MARCHF10: variants seen among roughly 807,000 people sequenced by gnomAD.
MARCHF10 encodes membrane associated ring-CH-type finger 10.
In MARCHF10, 64 loss-of-function variants were observed where a neutral mutation model predicts 76.2. The ratio of observed to expected loss-of-function variants is 0.84; its 90% CI spans 0.69 to 1.03. MARCHF10 has a LOEUF of 1.03. Among genes scored for constraint, MARCHF10 ranks in the 50% least tolerant of loss-of-function variants. The probability of loss-of-function intolerance (pLI) is 0.00; values close to 1 mark genes in which losing one functional copy is unlikely to be tolerated. For synonymous variants in MARCHF10, 340 were observed against 357.5 expected, an observed-to-expected ratio of 0.95 and a Z score of 0.55; for missense variants, 875 against 958.0, an observed-to-expected ratio of 0.91 and a Z score of 1.14.
chr17:62,803,531 T>G (rs996973213), intron 1 of MARCHF10, among the ~76,000 whole-genome samples: 7 of 152,168 alleles, frequency 4.6e-5, no homozygotes, highest in African/African-American at 1.2e-4. Flanking sequence ...CTTTTTTATT[T>G]TTTTTTGAGA....
chr17:62,805,899 C>A (rs2093155434), intron 1 of MARCHF10, among the ~76,000 whole-genome samples: 2 of 88,232 alleles, frequency 2.3e-5, no homozygotes, highest in Admixed American at 1.1e-4. Flanking sequence ...GACTCCATCC[C>A]CTCAAAAATA....
chr17:62,709,921 G>A (rs2089824168), intron 9 of MARCHF10, among the ~76,000 whole-genome samples: 1 of 152,014 alleles, frequency 6.6e-6, no homozygotes, highest in African/African-American at 2.4e-5. Context: ...GTCTAAGTGG[G>A]TGAGATCAAT....
intron 3 of MARCHF10, among the ~76,000 whole-genome samples, chr17:62,787,553 G>T (rs2092766928): frequency 6.6e-6 from 1 of 152,116 alleles, no homozygotes; most frequent in Non-Finnish European, 1.5e-5. Flanking sequence ...CTCTTACATA[G>T]GGTAAGTTAA....
chr17:62,787,463 A>G (rs1299861795), intron 3 of MARCHF10, among the ~76,000 whole-genome samples: 1 of 152,176 alleles, frequency 6.6e-6, no homozygotes, highest in Non-Finnish European at 1.5e-5. Flanking sequence ...TTAAATAGGA[A>G]TTCATAAAAG....
At chr17:62,705,733 G>A in intron 9 of MARCHF10, 152 bp from the exon 10 acceptor site, 1 of 929,074 alleles carries the variant, frequency 1.1e-6, no homozygotes, top group Non-Finnish European at 1.6e-6. Context: ...GGCTGGGTGA[G>A]TGCTAAGCAT....
chr17:62,801,678 C>T lies in MARCHF10; in HGVS notation c.58G>A (p.Asp20Asn), dbSNP rs1279487597. The T allele has an allele frequency of 6.2e-7, 1 of 1,614,056 alleles. No homozygotes were observed. The highest frequency in any genetic ancestry group is 8.5e-7 in the Non-Finnish European group (1 of 1,180,032). The change falls in exon 2 of 11, where the codon GAC (aspartate) becomes AAC (asparagine). Residue 20 changes from aspartate (D) to asparagine (N), a missense_variant. Coordinates refer to ENST00000311269, the MANE Select transcript of MARCHF10 (RefSeq NM_152598.4). ...KFFSDVQYLR[D>N]MQHKVDSEYQ... ...TCAGAGTCCACCTTATGCTGCATGTCCCGCAGATACTGAACATCGCTGAAG... is the reference window on the plus strand; with the variant it reads ...TCAGAGTCCACCTTATGCTGCATGTTCCGCAGATACTGAACATCGCTGAAG...
At chr17:62,793,561 A>C (rs975201750) in intron 2 of MARCHF10, among the ~76,000 whole-genome samples, 3 of 85,284 alleles carry the variant, frequency 3.5e-5, no homozygotes, top group South Asian at 4.3e-4. Flanking sequence ...TGCCACCACC[A>C]CCTCCACCAC....
intron 5 of MARCHF10, among the ~76,000 whole-genome samples, chr17:62,739,594 T>G (rs940753974): frequency 2.6e-5 from 4 of 152,230 alleles, no homozygotes; most frequent in African/African-American, 9.6e-5. Flanking sequence ...TTGGTCAGGC[T>G]GGTCTCCAAC....
chr17:62,709,707 A>G (rs2089807305), intron 9 of MARCHF10, among the ~76,000 whole-genome samples: 1 of 152,152 alleles, frequency 6.6e-6, no homozygotes, highest in Non-Finnish European at 1.5e-5. Context: ...AGAAGTGTGA[A>G]TTTAACAAGA....
chr17:62,751,382 C>A lies in MARCHF10; in HGVS notation c.383-6854G>T, dbSNP rs56257126. Among the ~76,000 whole-genome samples, 1,202 of 152,270 alleles carry A rather than the reference C, an allele frequency of 7.9e-3. 9 individuals are homozygous for A. The highest frequency in any genetic ancestry group is 0.012 in the Non-Finnish European group (810 of 68,012). Reference sequence around the variant, plus strand: ...GCCACATCGATGTCACCTGGGACTTCTTAGCAATGCAGGATCTCAGCCCAC... The same window carrying A: ...GCCACATCGATGTCACCTGGGACTTATTAGCAATGCAGGATCTCAGCCCAC... On this transcript the variant is annotated intron_variant, in intron 4 of 10. Coordinates refer to ENST00000311269, the MANE Select transcript of MARCHF10 (RefSeq NM_152598.4).
rs67106553 is a variant in MARCHF10, at chr17:62,767,450, C to CCTTTTTTTTTT, written c.211-7445_211-7444insAAAAAAAAAAG. Reference sequence around the variant, plus strand: ...AGCTTTGAATTGGTGGGTCTGTATTCTTTTTTTTTTTTTTTTTTGAGATGG... The same window carrying CCTTTTTTTTTT: ...AGCTTTGAATTGGTGGGTCTGTATTCCTTTTTTTTTTTTTTTTTTTTTTTTTTTTGAGATGG... On this transcript the variant is annotated intron_variant, in intron 3 of 10. Transcript: ENST00000311269. Among the ~76,000 whole-genome samples the CCTTTTTTTTTT allele has an allele frequency of 1.8e-4, 24 of 134,790 alleles. 9 individuals are homozygous for CCTTTTTTTTTT. Among genetic ancestry groups the CCTTTTTTTTTT allele is most frequent in the African/African-American group, 1.1e-4 (4 of 36,684 alleles). 88.4% of individuals were successfully genotyped at this position (134,790 alleles called of 152,430 possible).
intron 8 of MARCHF10, chr17:62,714,489 T>C (rs2090092105): frequency 1.2e-6 from 1 of 863,194 alleles, no homozygotes; most frequent in African/African-American, 1.8e-5. Context: ...GGCGTTAAGA[T>C]CTGTGAGGGC....
At position 62,744,614 on chromosome 17, in the gene MARCHF10, G is replaced by A. The variant is rs1599190777; in HGVS notation, c.383-86C>T. On this transcript the variant is annotated intron_variant, in intron 4 of 10. Transcript: ENST00000311269. ...AAGAACGTTCAAAGGGCCCAGCAAT[G>A]TTTGGGGGTGGGGTTAGGTGGAAGG... is the stretch of plus-strand genomic sequence containing the variant. 7 of 1,472,346 alleles carry A rather than the reference G, an allele frequency of 4.8e-6. No homozygotes were observed. The East Asian group carries it at 1.2e-4, about 25-fold the overall frequency. The allele number at this position is 1,472,346 out of a possible 1,614,324, so 91.2% of individuals were successfully genotyped here.
At chr17:62,702,929 C>T (rs907440428) in intron 10 of MARCHF10, among the ~76,000 whole-genome samples, 1 of 152,322 alleles carries the variant, frequency 6.6e-6, no homozygotes, top group Admixed American at 6.5e-5. Flanking sequence ...GCCCTCACAC[C>T]CGCCCCTGTT....
chr17:62,793,429 AC>A (rs1321344610), intron 2 of MARCHF10, among the ~76,000 whole-genome samples: 1 of 139,448 alleles, frequency 7.2e-6, no homozygotes, highest in African/African-American at 2.7e-5. Context: ...CTCCATCACT[AC>A]CACCACAACC....
At chr17:62,747,995 T>C (rs905078674) in intron 4 of MARCHF10, among the ~76,000 whole-genome samples, 2 of 152,316 alleles carry the variant, frequency 1.3e-5, no homozygotes, top group Non-Finnish European at 2.9e-5. Flanking sequence ...TGATACCCTT[T>C]TGGTTCCATG....
At chr17:62,720,936 C>T (rs962310732) in intron 8 of MARCHF10, among the ~76,000 whole-genome samples, 6 of 141,934 alleles carry the variant, frequency 4.2e-5, no homozygotes, top group Admixed American at 1.5e-4. Flanking sequence ...GGTGCGATCT[C>T]GGCTCACTGC....
intron 4 of MARCHF10, among the ~76,000 whole-genome samples, 170 bp from the exon 5 acceptor site, chr17:62,744,698 A>G (rs1411273698): frequency 6.6e-6 from 1 of 152,168 alleles, no homozygotes; most frequent in Non-Finnish European, 1.5e-5. Context: ...ATCTGGTTTC[A>G]TGTAACCATG....
chr17:62,708,119 G>T (rs1568089932), intron 9 of MARCHF10, among the ~76,000 whole-genome samples: 1 of 152,048 alleles, frequency 6.6e-6, no homozygotes, highest in Non-Finnish European at 1.5e-5. Context: ...GAAAATCTTT[G>T]AGTAAATAAA....
Sources: gnomAD v4.1 joint callset for allele counts (sites outside exome capture counted in the v4.1 genomes callset) on GRCh38, gnomAD v4.1.1 for gene constraint, MANE v1.5 for transcripts, NCBI Gene and HGNC (gene_info 2026-07-23, HGNC 2026-07-21) for gene names.